Variants in KLHL14 observed in about 807,000 individuals in gnomAD.
KLHL14 encodes the protein kelch-like protein 14.
A neutral mutation model predicts 64.3 loss-of-function variants in KLHL14; 22 were observed. The ratio of observed to expected loss-of-function variants is 0.34; its 90% CI spans 0.24 to 0.49. The LOEUF is 0.49. Among genes scored for constraint, KLHL14 ranks in the 20% least tolerant of loss-of-function variants. The pLI, the probability that KLHL14 is intolerant of heterozygous loss-of-function variation, is 0.99. For synonymous variants in KLHL14, 322 were observed against 333.4 expected (o/e 0.97, Z 0.37); for missense variants, 661 against 789.0 (o/e 0.84, Z 1.94).
At chr18:32,726,484 C>T (rs979947028) in intron 3 of KLHL14, among the ~76,000 whole-genome samples, 3 of 151,910 alleles carry the variant, frequency 2.0e-5, no homozygotes, top group African/African-American at 4.8e-5. Context: ...ATTAGCCAGG[C>T]GTGGTCGTGG....
chr18:32,678,624 T>C (rs2049822788), intron 7 of KLHL14, among the ~76,000 whole-genome samples: 1 of 152,204 alleles, frequency 6.6e-6, no homozygotes, highest in Non-Finnish European at 1.5e-5. Flanking sequence ...ATGTGCCTTC[T>C]CTGTGACAAT....
chr18:32,759,726 G>C (rs142784293), intron 2 of KLHL14, among the ~76,000 whole-genome samples: 5 of 123,258 alleles, frequency 4.1e-5, no homozygotes, highest in Admixed American at 7.9e-5. Flanking sequence ...TCTCTCTCTC[G>C]TCATTTTGGA....
At chr18:32,692,226 A>G (rs1429311227) in intron 4 of KLHL14, among the ~76,000 whole-genome samples, 1 of 152,236 alleles carries the variant, frequency 6.6e-6, no homozygotes, top group Non-Finnish European at 1.5e-5. Flanking sequence ...TCAATAGATC[A>G]TCAATAGATA....
At chr18:32,705,753 T>C (rs551681560) in intron 3 of KLHL14, among the ~76,000 whole-genome samples, 1 of 152,192 alleles carries the variant, frequency 6.6e-6, no homozygotes, top group East Asian at 1.9e-4. Flanking sequence ...TATGTTATAT[T>C]ATTACAATAT....
intron 3 of KLHL14, among the ~76,000 whole-genome samples, chr18:32,728,086 T>G (rs73955270): frequency 0.054 from 8,158 of 152,214 alleles, 665 homozygotes; most frequent in African/African-American, 0.18. Flanking sequence ...ACAAAGAGGA[T>G]GGTAGAAGGT....
chr18:32,715,245 T>C (rs2050039335), intron 3 of KLHL14, among the ~76,000 whole-genome samples: 1 of 152,196 alleles, frequency 6.6e-6, no homozygotes, highest in African/African-American at 2.4e-5. Flanking sequence ...TGCCCTTTAG[T>C]CTATAAGCAA....
chr18:32,751,105 G>T (rs2050248963), intron 2 of KLHL14, among the ~76,000 whole-genome samples: 1 of 152,186 alleles, frequency 6.6e-6, no homozygotes, highest in Admixed American at 6.5e-5. Context: ...TGGGGAGGAA[G>T]TAACAGAGGT....
At chr18:32,685,169 T>A (rs1253722061) in intron 5 of KLHL14, among the ~76,000 whole-genome samples, 1 of 152,184 alleles carries the variant, frequency 6.6e-6, no homozygotes, top group African/African-American at 2.4e-5. Flanking sequence ...GGTCTTTTTA[T>A]CAGGTCAATG....
At chr18:32,695,149 T>A (rs1278565200) in intron 4 of KLHL14, among the ~76,000 whole-genome samples, 2 of 152,132 alleles carry the variant, frequency 1.3e-5, no homozygotes, top group Non-Finnish European at 2.9e-5. Context: ...AGCTGCAGCT[T>A]TGCTCCCTTC....
At chr18:32,724,702 C>A (rs994621791) in intron 3 of KLHL14, among the ~76,000 whole-genome samples, 3 of 152,188 alleles carry the variant, frequency 2.0e-5, no homozygotes, top group African/African-American at 7.2e-5. Flanking sequence ...AGCCTCAAGC[C>A]ATTAGAGGTG....
At chr18:32,726,836 G>T (rs1165500913) in intron 3 of KLHL14, among the ~76,000 whole-genome samples, 1 of 152,000 alleles carries the variant, frequency 6.6e-6, no homozygotes, top group Non-Finnish European at 1.5e-5. Flanking sequence ...CATCAATTCT[G>T]CTTAAAGAAG....
At chr18:32,742,508 C>T (rs2050204149) in intron 2 of KLHL14, among the ~76,000 whole-genome samples, 1 of 152,200 alleles carries the variant, frequency 6.6e-6, no homozygotes, top group Admixed American at 6.5e-5. Context: ...ACTCTTTAAT[C>T]ACCCAGGGAA....
rs571767644 is a variant in KLHL14, at chr18:32,772,862, G to A, written c.-239C>T. 1 of 155,612 alleles carries A rather than the reference G, an allele frequency of 6.4e-6. No homozygotes were observed. Among genetic ancestry groups the A allele is most frequent in the South Asian group, 2.0e-4 (1 of 5,080 alleles). The allele number at this position is 155,612 out of a possible 1,614,324, so 9.6% of individuals were successfully genotyped here. A position where few individuals can be genotyped will look rare whatever the true frequency, so the allele number is the denominator to read the frequency against. ...CATGAATTAGCAACAGCAAGAAAAT[G>A]TAGGAGAGGGAGAAAAGAGAGAAAG... On this transcript the variant is annotated 5_prime_UTR_variant, in exon 1 of 9. Transcript: ENST00000359358.
chr18:32,702,355 TA>T (rs34142338), intron 3 of KLHL14, among the ~76,000 whole-genome samples: 37,465 of 147,716 alleles, frequency 0.25, 4,871 homozygotes, highest in Middle Eastern at 0.27. Context: ...TTTTTTTTTT[TA>T]AAAAAAAGTC....
At chr18:32,728,723 C>T (rs1470611471) in intron 3 of KLHL14, among the ~76,000 whole-genome samples, 1 of 151,960 alleles carries the variant, frequency 6.6e-6, no homozygotes, top group Non-Finnish European at 1.5e-5. Context: ...TCATCCTTAC[C>T]ATTACAGCAA....
intron 3 of KLHL14, among the ~76,000 whole-genome samples, chr18:32,700,562 G>C (rs143545056): frequency 6.6e-6 from 1 of 152,186 alleles, no homozygotes; most frequent in Non-Finnish European, 1.5e-5. Flanking sequence ...TAGACATACT[G>C]TTTAGTGTCT....
intron 2 of KLHL14, among the ~76,000 whole-genome samples, chr18:32,745,903 GAACT>G (rs2050221657): frequency 6.6e-6 from 1 of 152,170 alleles, no homozygotes; most frequent in Non-Finnish European, 1.5e-5. Context: ...AAGAGAAGCT[GAACT>G]AACTGTGCTG....
intron 2 of KLHL14, among the ~76,000 whole-genome samples, chr18:32,756,724 T>C (rs1441696484): frequency 6.6e-6 from 1 of 152,214 alleles, no homozygotes; most frequent in African/African-American, 2.4e-5. Context: ...GCATTGCATG[T>C]CTATTTTCTC....
intron 4 of KLHL14, among the ~76,000 whole-genome samples, chr18:32,691,414 C>T (rs778080959): frequency 2.0e-5 from 3 of 152,094 alleles, no homozygotes; most frequent in African/African-American, 7.2e-5. Flanking sequence ...TGTGGTGGCT[C>T]ATGCCTGTAG....
Sources: allele counts gnomAD v4.1 joint callset (sites outside exome capture counted in the v4.1 genomes callset), GRCh38; gene constraint gnomAD v4.1.1; transcripts MANE v1.5; gene names NCBI Gene and HGNC (gene_info 2026-07-23, HGNC 2026-07-21).